Variants in PTPRD observed in about 807,000 individuals in gnomAD.
The protein encoded by PTPRD is protein tyrosine phosphatase receptor type D, also known as receptor-type tyrosine-protein phosphatase delta.
In PTPRD, 34 loss-of-function variants were observed where a neutral mutation model predicts 214.5. That is an observed-to-expected ratio of 0.16 (90% confidence interval 0.12 to 0.21). PTPRD has a LOEUF of 0.21. PTPRD is among the 10% of genes least tolerant of loss of function. The pLI is 1.00. For synonymous variants in PTPRD, 1,128 were observed against 845.7 expected, an observed-to-expected ratio of 1.33 and a Z score of -5.79; for missense variants, 2,545 against 2,398.7, an observed-to-expected ratio of 1.06 and a Z score of -1.27.
At chr9:9,950,466 T>A (rs1243238662) in intron 4 of PTPRD, among the ~76,000 whole-genome samples, 1 of 34,676 alleles carries the variant, frequency 2.9e-5, no homozygotes, top group Non-Finnish European at 4.1e-5. Context: ...GGCTCACGCC[T>A]GTAATCCCAG....
chr9:8,695,548 C>T (rs1045523403), intron 12 of PTPRD, among the ~76,000 whole-genome samples: 1 of 152,076 alleles, frequency 6.6e-6, no homozygotes, highest in African/African-American at 2.4e-5. Context: ...CTATCAGATA[C>T]CAATTTATAT....
intron 4 of PTPRD, among the ~76,000 whole-genome samples, chr9:10,002,066 G>A (rs1350560922): frequency 6.6e-6 from 1 of 151,748 alleles, no homozygotes; most frequent in Non-Finnish European, 1.5e-5. Context: ...CAATGTTTCT[G>A]TAAACTATTG....
At chr9:10,462,001 C>T (rs576972949) in intron 2 of PTPRD, among the ~76,000 whole-genome samples, 1 of 152,066 alleles carries the variant, frequency 6.6e-6, no homozygotes, top group Non-Finnish European at 1.5e-5. Flanking sequence ...CAGGGTCAGG[C>T]TGTGGGAGGC....
intron 21 of PTPRD, among the ~76,000 whole-genome samples, chr9:8,509,921 C>T (rs374635751): frequency 1.3e-5 from 2 of 152,218 alleles, no homozygotes; most frequent in East Asian, 3.9e-4. Context: ...ACAGGGGGTT[C>T]TCTCCTGTTC....
chr9:9,496,280 T>A (rs2096182127), intron 8 of PTPRD, among the ~76,000 whole-genome samples: 1 of 151,754 alleles, frequency 6.6e-6, no homozygotes, highest in Admixed American at 6.6e-5. Flanking sequence ...GGCAACAGAG[T>A]AAAAAGACAA....
At chr9:8,575,225 T>A (rs1199108737) in intron 14 of PTPRD, among the ~76,000 whole-genome samples, 1 of 152,128 alleles carries the variant, frequency 6.6e-6, no homozygotes, top group African/African-American at 2.4e-5. Flanking sequence ...TTAACTCAAA[T>A]CACTTGTGTT....
rs944560913 is a variant in PTPRD, at chr9:8,454,634, A to G, written c.3876-4797T>C. 3 of 1,608,606 alleles carry G rather than the reference A, an allele frequency of 1.9e-6. No homozygotes were observed. The South Asian group carries it at 3.3e-5, about 18-fold the overall frequency. ...AGCAAAAAAAGGAAAAAGAAAGGCT[A>G]AATGTTAGTTGGCCAATGGTAACAA... On this transcript the variant is annotated intron_variant, in intron 33 of 45. Coordinates refer to ENST00000381196, the MANE Select transcript of PTPRD (RefSeq NM_002839.4).
intron 3 of PTPRD, among the ~76,000 whole-genome samples, chr9:10,117,828 A>G (rs768809104): frequency 6.6e-6 from 1 of 151,910 alleles, no homozygotes; most frequent in Non-Finnish European, 1.5e-5. Flanking sequence ...GAATATGTTT[A>G]TTTACCTTTG....
chr9:10,121,751 C>G (rs1218539983), intron 3 of PTPRD, among the ~76,000 whole-genome samples: 1 of 152,138 alleles, frequency 6.6e-6, no homozygotes, highest in Non-Finnish European at 1.5e-5. Flanking sequence ...TATTGAGTCT[C>G]TCTCAGTATT....
At chr9:8,852,471 G>A (rs2097839396) in intron 11 of PTPRD, among the ~76,000 whole-genome samples, 1 of 152,180 alleles carries the variant, frequency 6.6e-6, no homozygotes, top group African/African-American at 2.4e-5. Context: ...GGCTGCTTTG[G>A]CTCTTACATT....
At chr9:9,692,675 G>T (rs2097296190) in intron 7 of PTPRD, among the ~76,000 whole-genome samples, 1 of 151,358 alleles carries the variant, frequency 6.6e-6, no homozygotes, top group Admixed American at 6.6e-5. Context: ...ACTGTCATTG[G>T]TATTGTGATA....
rs574614291 is a variant in PTPRD, at chr9:9,542,829, C to A, written c.-237+31903G>T. ...TCCTAGTGTTAACAACCATGAGGAGCAACTGGAACTCTTACAAAATTCTAA... is the reference window on the plus strand; with the variant it reads ...TCCTAGTGTTAACAACCATGAGGAGAAACTGGAACTCTTACAAAATTCTAA... On this transcript the variant is annotated intron_variant, in intron 8 of 45. Coordinates refer to ENST00000381196, the MANE Select transcript of PTPRD (RefSeq NM_002839.4). Among the ~76,000 whole-genome samples the A allele has an allele frequency of 2.6e-5, 4 of 151,738 alleles. No individual in the cohort carries two copies. In the South Asian group the frequency reaches 6.2e-4, roughly 24 times the overall value.
intron 8 of PTPRD, among the ~76,000 whole-genome samples, chr9:9,498,171 C>T (rs117589065): frequency 0.042 from 6,337 of 152,114 alleles, 183 homozygotes; most frequent in Non-Finnish European, 0.062. Flanking sequence ...ATTGTTTTAG[C>T]GGCACAGTTG....
intron 21 of PTPRD, 77 bp from the exon 22 acceptor site, chr9:8,507,511 C>T (rs745465813): frequency 6.4e-7 from 1 of 1,571,068 alleles, no homozygotes; most frequent in Non-Finnish European, 8.7e-7. Flanking sequence ...GCGTAACCTG[C>T]TTAAACCTTT....
At chr9:10,070,035 AT>A (rs1483993869) in intron 3 of PTPRD, among the ~76,000 whole-genome samples, 1 of 152,010 alleles carries the variant, frequency 6.6e-6, no homozygotes, top group Admixed American at 6.6e-5. Context: ...CTGATTCCAA[AT>A]TTTTGGTGTG....
chr9:9,345,656 T>C (rs1413001955), intron 9 of PTPRD, among the ~76,000 whole-genome samples: 1 of 152,170 alleles, frequency 6.6e-6, no homozygotes, highest in Non-Finnish European at 1.5e-5. Flanking sequence ...AAAATAATCA[T>C]GAATTCTGAA....
chr9:9,165,695 G>C (rs771312589), intron 10 of PTPRD, among the ~76,000 whole-genome samples: 2 of 152,096 alleles, frequency 1.3e-5, no homozygotes, highest in Non-Finnish European at 2.9e-5. Context: ...ATAGCAATGT[G>C]TACATTTCAC....
At chr9:10,049,977 T>C (rs2097497279) in intron 3 of PTPRD, among the ~76,000 whole-genome samples, 1 of 152,174 alleles carries the variant, frequency 6.6e-6, no homozygotes, top group Non-Finnish European at 1.5e-5. Context: ...TATCACAAAC[T>C]TTTTTATGTG....
intron 12 of PTPRD, among the ~76,000 whole-genome samples, chr9:8,679,483 G>T (rs920216348): frequency 1.3e-5 from 2 of 152,110 alleles, no homozygotes; most frequent in African/African-American, 4.8e-5. Flanking sequence ...CCACTTGCGG[G>T]TATCTATGAA....
Sources: gnomAD v4.1 joint callset for allele counts (sites outside exome capture counted in the v4.1 genomes callset) on GRCh38, gnomAD v4.1.1 for gene constraint, MANE v1.5 for transcripts, NCBI Gene and HGNC (gene_info 2026-07-23, HGNC 2026-07-21) for gene names.